The following TMEM131L variants were observed in gnomAD, a reference collection of about 807,000 sequenced individuals.
TMEM131L encodes the protein transmembrane protein 131-like.
Under a neutral mutation model 192.2 loss-of-function variants are expected in TMEM131L, and 54 were observed. That is an observed-to-expected ratio of 0.28 (90% CI 0.23 to 0.35). The LOEUF (loss-of-function observed/expected upper bound fraction) is 0.35, where lower values mean the gene tolerates loss of function less well. TMEM131L is among the 10% of genes least tolerant of loss of function. The pLI, the probability that TMEM131L is intolerant of heterozygous loss-of-function variation, is 1.00. For synonymous variants in TMEM131L, 701 were observed against 704.9 expected (o/e 0.99, Z 0.09); for missense variants, 1,888 against 1,972.9 (o/e 0.96, Z 0.82).
Position 153,585,505 on chromosome 4 carries a change from A to C in TMEM131L, c.1205A>C (p.His402Pro), listed in dbSNP as rs559318832. The C allele has an allele frequency of 2.5e-6, 4 of 1,614,140 alleles. No homozygotes were observed. Among genetic ancestry groups the C allele is most frequent in the Non-Finnish European group, 2.5e-6 (3 of 1,179,996 alleles). Reference protein sequence around the residue: ...SSATQFHIETHENTSGLWSIW... With the variant: ...SSATQFHIETPENTSGLWSIW... ...GCAACCCAGTTTCACATAGAGACTCATGAGAACACATCAGGACTTTGGTCA... is the reference window on the plus strand; with the variant it reads ...GCAACCCAGTTTCACATAGAGACTCCTGAGAACACATCAGGACTTTGGTCA... The change falls in exon 13 of 35, where the codon CAT becomes CCT. Residue 402 changes from histidine (H) to proline (P), a missense_variant. Coordinates refer to ENST00000409959, the MANE Select transcript of TMEM131L (RefSeq NM_001131007.2).
chr4:153,581,341 A>G (rs1437042268), intron 8 of TMEM131L, 66 bp from the exon 9 acceptor site: 22 of 1,336,568 alleles, frequency 1.6e-5, no homozygotes, highest in East Asian at 4.9e-5. Context: ...CCTTTCCTCC[A>G]TAGTTTGAAA....
chr4:153,606,570 C>G (rs1013885604), intron 25 of TMEM131L, among the ~76,000 whole-genome samples: 4 of 152,168 alleles, frequency 2.6e-5, no homozygotes, highest in Admixed American at 1.3e-4. Flanking sequence ...CCAAGATGAG[C>G]AGGTAATAAC....
At chr4:153,562,560 T>C (rs10013405) in intron 7 of TMEM131L, among the ~76,000 whole-genome samples, 15,694 of 152,244 alleles carry the variant, frequency 0.1, 2,406 homozygotes, top group African/African-American at 0.33. Flanking sequence ...ACGGGTTTTA[T>C]GTTTTTTACT....
intron 3 of TMEM131L, among the ~76,000 whole-genome samples, chr4:153,499,015 G>C (rs148714987): frequency 1.6e-3 from 238 of 152,314 alleles, no homozygotes; most frequent in Admixed American, 0.013. Context: ...ATTAACGTTT[G>C]TTTTTGTTGT....
chr4:153,487,691 G>GGTGTGT (rs1469252761), intron 3 of TMEM131L, among the ~76,000 whole-genome samples: 2 of 117,984 alleles, frequency 1.7e-5, no homozygotes, highest in Non-Finnish European at 3.5e-5. Context: ...GAGCTGCACA[G>GGTGTGT]GCGTGTGTGT....
At chr4:153,499,694 G>A (rs1733452710) in intron 3 of TMEM131L, among the ~76,000 whole-genome samples, 2 of 152,196 alleles carry the variant, frequency 1.3e-5, no homozygotes, top group African/African-American at 2.4e-5. Flanking sequence ...CAAAATGCTA[G>A]GATTACAGGC....
At chr4:153,600,727 T>C (rs534587516) in intron 21 of TMEM131L, among the ~76,000 whole-genome samples, 51 of 152,348 alleles carry the variant, frequency 3.3e-4, no homozygotes, top group African/African-American at 1.1e-3. Context: ...GGTGAAACCA[T>C]TGGATAATTT....
chr4:153,516,014 AGCCACT>A (rs1395791501), intron 3 of TMEM131L, among the ~76,000 whole-genome samples: 1 of 151,714 alleles, frequency 6.6e-6, no homozygotes, highest in Non-Finnish European at 1.5e-5. Flanking sequence ...TATAGACGTG[AGCCACT>A]GGTCTCAGCT....
rs1192563925 is a variant in TMEM131L, at chr4:153,581,808, CAGTA to C, written c.892+251_892+254del. Among the ~76,000 whole-genome samples the C allele has an allele frequency of 7.2e-5, 11 of 152,266 alleles. No homozygotes were observed. The South Asian group carries it at 2.3e-3, about 32-fold the overall frequency. The stretch of plus-strand genomic sequence containing the variant: ...AATAATTTTTCTTCATGTTTGGAGA[CAGTA>C]AGGAAATTAAATGGGCATGACAGTT... On this transcript the variant is annotated intron_variant, in intron 9 of 34. Coordinates refer to ENST00000409959, the MANE Select transcript of TMEM131L (RefSeq NM_001131007.2).
At chr4:153,497,007 C>T (rs547431494) in intron 3 of TMEM131L, among the ~76,000 whole-genome samples, 6 of 152,058 alleles carry the variant, frequency 3.9e-5, no homozygotes, top group East Asian at 1.9e-4. Context: ...ACTACAGGTG[C>T]GTGCCCTCAT....
chr4:153,546,820 G>A (rs1227076963), intron 3 of TMEM131L, among the ~76,000 whole-genome samples: 4 of 152,170 alleles, frequency 2.6e-5, no homozygotes, highest in African/African-American at 4.8e-5. Context: ...CCAGCTACTC[G>A]TGGGGCTGAG....
Position 153,512,335 on chromosome 4 carries a change from G to A in TMEM131L, c.240-37738G>A, listed in dbSNP as rs114970388. 1.1e-3 allele frequency among the ~76,000 whole-genome samples: 168 copies of A among 152,284 alleles called. 1 individual carries two copies. The highest frequency in any genetic ancestry group is 3.9e-3 in the African/African-American group (162 of 41,578). ...TCTCCAGGTCTCTTTCTGGGGTTAT[G>A]CAAACAAAGATGTGAAGAACTGTGG... On this transcript the variant is annotated intron_variant, in intron 3 of 34. Coordinates refer to ENST00000409959, the MANE Select transcript of TMEM131L (RefSeq NM_001131007.2).
Position 153,632,829 on chromosome 4 carries a change from T to C in TMEM131L, c.4319T>C (p.Val1440Ala), listed in dbSNP as rs1179939827. The change falls in exon 32 of 35, where the codon GTT becomes GCT. Residue 1440 changes from valine to alanine, a missense_variant. Val to Ala is a moderately conservative substitution (Grantham distance 64). Coordinates refer to ENST00000409959, the MANE Select transcript of TMEM131L (RefSeq NM_001131007.2). ...VPCVIQESAP[V>A]HNSFIDWSAT... ...TGTGTGATTCAGGAGTCGGCCCCGG[T>C]TCATAATAGGTACAGCTTCACTTCT... 2.5e-6 allele frequency: 4 copies of C among 1,614,092 alleles called. No individual in the cohort carries two copies. The highest frequency in any genetic ancestry group is 3.4e-6 in the Non-Finnish European group (4 of 1,179,984).
rs555868234 is a variant in TMEM131L, at chr4:153,480,320, C to T, written c.239+6432C>T. Reference sequence around the variant, plus strand: ...CGCCACTGCACTCCAGCCTGGGCGACAGAGCGAGACTCCGTCTCAAAAGAA... The same window carrying T: ...CGCCACTGCACTCCAGCCTGGGCGATAGAGCGAGACTCCGTCTCAAAAGAA... On this transcript the variant is annotated intron_variant, in intron 3 of 34. Transcript: ENST00000409959. 2.6e-5 allele frequency among the ~76,000 whole-genome samples: 4 copies of T among 151,840 alleles called. No homozygotes were observed. In the East Asian group the frequency reaches 7.8e-4, roughly 30 times the overall value.
At chr4:153,504,578 G>A (rs1359096809) in intron 3 of TMEM131L, among the ~76,000 whole-genome samples, 1 of 152,072 alleles carries the variant, frequency 6.6e-6, no homozygotes, top group East Asian at 1.9e-4. Context: ...GTGAGCCACC[G>A]TGTCTGGCCA....
In TMEM131L at chr4:153,581,007, A is replaced by G. The variant is rs575571064; in HGVS notation, c.738+104A>G. ...TGTGGCTCATGCCTGTAATCCCAGCACTTTGGGAGGCCGAGGCGAGTGGAT... is the reference window on the plus strand; with the variant it reads ...TGTGGCTCATGCCTGTAATCCCAGCGCTTTGGGAGGCCGAGGCGAGTGGAT... On this transcript the variant is annotated intron_variant, in intron 8 of 34. Transcript: ENST00000409959. 187 of 781,918 alleles carry G rather than the reference A, an allele frequency of 2.4e-4. 1 individual carries two copies. In the African/African-American group the frequency reaches 2.9e-3, roughly 12 times the overall value. 48.4% of individuals were successfully genotyped at this position (781,918 alleles called of 1,614,324 possible).
At chr4:153,585,292 A>C (rs183760113) in intron 12 of TMEM131L, among the ~76,000 whole-genome samples, 166 bp from the exon 13 acceptor site, 1 of 152,242 alleles carries the variant, frequency 6.6e-6, no homozygotes, top group Admixed American at 6.5e-5. Flanking sequence ...GTTGCTCCCT[A>C]TGTGAGCCAG....
At chr4:153,501,577 G>C (rs1454847250) in intron 3 of TMEM131L, among the ~76,000 whole-genome samples, 1 of 152,128 alleles carries the variant, frequency 6.6e-6, no homozygotes, top group Non-Finnish European at 1.5e-5. Context: ...GGAGTCTCAG[G>C]GTATGTGTGC....
chr4:153,618,111 G>A (rs1561248225), intron 26 of TMEM131L, among the ~76,000 whole-genome samples: 2 of 152,046 alleles, frequency 1.3e-5, no homozygotes, highest in Non-Finnish European at 2.9e-5. Context: ...GTAAGTTTGT[G>A]ATTTCTCTTC....
Sources: gnomAD v4.1 joint callset for allele counts (sites outside exome capture counted in the v4.1 genomes callset) on GRCh38, gnomAD v4.1.1 for gene constraint, MANE v1.5 for transcripts, NCBI Gene and HGNC (gene_info 2026-07-23, HGNC 2026-07-21) for gene names.